SIK2: variants seen among roughly 807,000 people sequenced by gnomAD.
SIK2 encodes the protein serine/threonine-protein kinase SIK2.
Under a neutral mutation model 103.2 loss-of-function variants are expected in SIK2, and 29 were observed. That is an observed-to-expected ratio of 0.28 (90% CI 0.21 to 0.38). The LOEUF (loss-of-function observed/expected upper bound fraction) is 0.38. Among genes scored for constraint, SIK2 ranks in the 10% least tolerant of loss-of-function variants. The pLI, the probability that SIK2 is intolerant of heterozygous loss-of-function variation, is 1.00. For missense variants in SIK2, 879 were observed against 1,171.0 expected, an observed-to-expected ratio of 0.75 and a Z score of 3.64; for synonymous variants, 412 against 446.1, an observed-to-expected ratio of 0.92 and a Z score of 0.96.
At chr11:111,617,695 A>G (rs1418351601) in intron 2 of SIK2, among the ~76,000 whole-genome samples, 2 of 152,176 alleles carry the variant, frequency 1.3e-5, no homozygotes, top group African/African-American at 4.8e-5. Context: ...ATAAGAAGAA[A>G]ATATCAGAAC....
chr11:111,700,839 T>C (rs750930187), intron 4 of SIK2, 47 bp from the exon 5 acceptor site: 3 of 1,606,232 alleles, frequency 1.9e-6, no homozygotes, highest in South Asian at 1.1e-5. Context: ...AAATGCAGTA[T>C]AGTTTGAGAG....
chr11:111,702,505 C>T (rs1943237775), intron 6 of SIK2, among the ~76,000 whole-genome samples: 1 of 152,134 alleles, frequency 6.6e-6, no homozygotes, highest in African/African-American at 2.4e-5. Flanking sequence ...AGAAGGATTG[C>T]TTACAGTGAG....
chr11:111,719,359 T>C (rs1307212340), intron 9 of SIK2, among the ~76,000 whole-genome samples: 141 of 1,474 alleles, frequency 0.096, no homozygotes, highest in Admixed American at 0.25. Context: ...ACTACCCCTT[T>C]TTTTTTTTTT....
At chr11:111,640,273 T>C (rs1203198706) in intron 3 of SIK2, among the ~76,000 whole-genome samples, 2 of 152,216 alleles carry the variant, frequency 1.3e-5, no homozygotes, top group Non-Finnish European at 2.9e-5. Context: ...GTGTGACTGT[T>C]AATTAATTTT....
chr11:111,705,465 G>A lies in SIK2; in HGVS notation c.1101+326G>A, dbSNP rs1459807743. ...AGCTTCTATTCTTAGGCACTGTTGG[G>A]GGTAAGATATATAAACTACAGTCAC... On this transcript the variant is annotated intron_variant, in intron 8 of 14. Coordinates refer to ENST00000304987, the MANE Select transcript of SIK2 (RefSeq NM_015191.3). The surrounding 1 kb of genome is among the most constrained non-coding windows in gnomAD (Gnocchi z 4.3). Among the ~76,000 whole-genome samples, 2 of 152,128 alleles carry A rather than the reference G, an allele frequency of 1.3e-5. No individual in the cohort carries two copies. The highest frequency in any genetic ancestry group is 4.8e-5 in the African/African-American group (2 of 41,412).
At chr11:111,657,384 T>G (rs916696422) in intron 3 of SIK2, among the ~76,000 whole-genome samples, 19 of 152,096 alleles carry the variant, frequency 1.2e-4, no homozygotes, top group African/African-American at 4.3e-4. Flanking sequence ...GGGGTCTTTT[T>G]GGGTTTTGTT....
intron 3 of SIK2, among the ~76,000 whole-genome samples, chr11:111,648,120 GA>G (rs1942281481): frequency 6.6e-6 from 1 of 151,578 alleles, no homozygotes; most frequent in Admixed American, 6.6e-5. Context: ...AAAAAATAAA[GA>G]AAAAATAAAA....
chr11:111,636,243 G>A (rs1055241967), intron 3 of SIK2, among the ~76,000 whole-genome samples: 3 of 152,156 alleles, frequency 2.0e-5, no homozygotes, highest in Admixed American at 6.5e-5. Context: ...TCAGAAAGAG[G>A]TCTCCAAGTG....
intron 1 of SIK2, among the ~76,000 whole-genome samples, chr11:111,603,839 A>C (rs1242228930): frequency 4.6e-5 from 7 of 152,164 alleles, no homozygotes; most frequent in Admixed American, 3.9e-4. Context: ...GTACGAATGT[A>C]CTGGAGTTTG....
chr11:111,698,073 G>T (rs1943121062), intron 4 of SIK2, among the ~76,000 whole-genome samples: 1 of 152,150 alleles, frequency 6.6e-6, no homozygotes, highest in South Asian at 2.1e-4. Flanking sequence ...CTCAGCACAT[G>T]TAATATTGTA....
Position 111,703,390 on chromosome 11 carries a change from C to A in SIK2, c.915C>A (p.His305Gln), listed in dbSNP as rs749573706. The change falls in exon 7 of 15, where the codon CAC becomes CAA. Residue 305 changes from histidine (H) to glutamine (Q), a missense_variant. Transcript: ENST00000304987. ...ATGAGCAGGTTCTGCGACTGATGCA[C>A]AGCCTTGGAATAGATCAGCAGAAAA... ...EFNEQVLRLM[H>Q]SLGIDQQKTI... is the part of the protein sequence containing the mutation. 6.2e-7 allele frequency: 1 copy of A among 1,613,926 alleles called. No individual in the cohort carries two copies. Among genetic ancestry groups the A allele is most frequent in the Non-Finnish European group, 8.5e-7 (1 of 1,179,882 alleles).
chr11:111,671,485 T>C (rs757183813), intron 3 of SIK2: 2 of 275,080 alleles, frequency 7.3e-6, no homozygotes, highest in East Asian at 1.2e-4. Flanking sequence ...CTTTGTGCAA[T>C]GCAAGTCATC....
In SIK2 at chr11:111,697,141, C is replaced by T. The variant is rs919305848; in HGVS notation, c.479-3745C>T. On this transcript the variant is annotated intron_variant, in intron 4 of 14. Coordinates refer to ENST00000304987, the MANE Select transcript of SIK2 (RefSeq NM_015191.3). ...GTTAAACTTGGTTTCTATTCCACTG[C>T]TGCAACTTAGTAGCTAGCTGTATAA... Among the ~76,000 whole-genome samples the T allele has an allele frequency of 1.1e-4, 16 of 152,322 alleles. No homozygotes were observed. The East Asian group carries it at 3.1e-3, about 29-fold the overall frequency.
At chr11:111,643,220 A>G (rs1358015208) in intron 3 of SIK2, among the ~76,000 whole-genome samples, 2 of 152,162 alleles carry the variant, frequency 1.3e-5, no homozygotes, top group Non-Finnish European at 2.9e-5. Flanking sequence ...CCTAGGCATT[A>G]AGTAACTAAA....
rs753877747 is a variant in SIK2 at position 111,728,923 on chromosome 11, C to CA, written c.*4809dup. The CA allele has an allele frequency of 0.012, 1,093 of 91,040 alleles. 14 individuals are homozygous for CA. The highest frequency in any genetic ancestry group is 0.067 in the East Asian group (185 of 2,774). 5.6% of individuals were successfully genotyped at this position (91,040 alleles called of 1,614,324 possible). ...TGGGCGACAGAGCAAGACTCCACCT[C>CA]AAAAAAAAAAAAAAAGACAAGAGCA... On this transcript the variant is annotated 3_prime_UTR_variant, in exon 15 of 15. Coordinates refer to ENST00000304987, the MANE Select transcript of SIK2 (RefSeq NM_015191.3).
chr11:111,715,597 C>G (rs1943616274), intron 9 of SIK2, among the ~76,000 whole-genome samples: 1 of 152,086 alleles, frequency 6.6e-6, no homozygotes, highest in Non-Finnish European at 1.5e-5. Context: ...TATTGCCTTT[C>G]TGAGATAGTT....
At chr11:111,621,325 A>G (rs1404048567) in intron 3 of SIK2, among the ~76,000 whole-genome samples, 2 of 152,226 alleles carry the variant, frequency 1.3e-5, no homozygotes, top group Non-Finnish European at 2.9e-5. Context: ...TATACAGGAT[A>G]TACTCAAATG....
intron 2 of SIK2, among the ~76,000 whole-genome samples, chr11:111,619,511 T>G (rs1941853822): frequency 6.6e-6 from 1 of 152,132 alleles, no homozygotes; most frequent in South Asian, 2.1e-4. Context: ...ACCTGGCTAA[T>G]TTTTGTATTT....
intron 3 of SIK2, among the ~76,000 whole-genome samples, chr11:111,672,991 A>G (rs1254567467): frequency 6.6e-6 from 1 of 152,232 alleles, no homozygotes; most frequent in Non-Finnish European, 1.5e-5. Flanking sequence ...TGGTTTCCCT[A>G]CGAATAATGA....
Sources: allele counts gnomAD v4.1 joint callset (sites outside exome capture counted in the v4.1 genomes callset), GRCh38; gene constraint gnomAD v4.1.1; non-coding constraint Gnocchi (gnomAD v3.1); transcripts MANE v1.5; gene names NCBI Gene and HGNC (gene_info 2026-07-23, HGNC 2026-07-21).